Variants in ZNF385B observed in about 807,000 individuals in gnomAD.
ZNF385B encodes zinc finger protein 385B.
In ZNF385B, 23 loss-of-function variants were observed where a neutral mutation model predicts 39.2. That is an observed-to-expected ratio of 0.59 (90% CI 0.42 to 0.83). ZNF385B has a LOEUF of 0.83. ZNF385B is among the 40% of genes least tolerant of loss of function. ZNF385B has a pLI of 0.00. For synonymous variants in ZNF385B, 205 were observed against 222.6 expected (o/e 0.92, Z 0.70); for missense variants, 552 against 598.9 (o/e 0.92, Z 0.82).
intron 3 of ZNF385B, among the ~76,000 whole-genome samples, chr2:179,707,307 T>G (rs914991323): frequency 6.6e-6 from 1 of 152,088 alleles, no homozygotes; most frequent in African/African-American, 2.4e-5. Flanking sequence ...AGACTCAAGA[T>G]GAGTTAAAAT....
intron 3 of ZNF385B, among the ~76,000 whole-genome samples, chr2:179,634,112 G>C (rs1691497907): frequency 6.6e-6 from 1 of 152,092 alleles, no homozygotes; most frequent in African/African-American, 2.4e-5. Context: ...AAACCTAGAA[G>C]ATAACCTAGG....
intron 6 of ZNF385B, among the ~76,000 whole-genome samples, chr2:179,479,333 G>A (rs928020253): frequency 3.9e-5 from 6 of 151,988 alleles, no homozygotes; most frequent in South Asian, 2.1e-4. Context: ...ATGATATCCC[G>A]AAATTTTTAT....
intron 1 of ZNF385B, among the ~76,000 whole-genome samples, chr2:179,835,103 G>T (rs1708175990): frequency 6.6e-6 from 1 of 152,192 alleles, no homozygotes. Flanking sequence ...AGCATAGGCT[G>T]GATAGTAGAT....
chr2:179,562,695 T>C, intron 3 of ZNF385B: 2 of 672,626 alleles, frequency 3.0e-6, no homozygotes, highest in Non-Finnish European at 3.7e-6. Flanking sequence ...TTCTTTCATG[T>C]AATTTTTCTG....
chr2:179,821,062 T>A (rs1486758366), intron 1 of ZNF385B, among the ~76,000 whole-genome samples: 1 of 152,180 alleles, frequency 6.6e-6, no homozygotes, highest in African/African-American at 2.4e-5. Flanking sequence ...CAATGAATAC[T>A]TTTTTCTTTT....
At chr2:179,453,372 T>C (rs995894979) in intron 6 of ZNF385B, among the ~76,000 whole-genome samples, 1 of 152,084 alleles carries the variant, frequency 6.6e-6, no homozygotes, top group African/African-American at 2.4e-5. Context: ...ATTTATAAAA[T>C]TTAGTAGAAC....
At chr2:179,473,864 T>C (rs1376915759) in intron 6 of ZNF385B, among the ~76,000 whole-genome samples, 1 of 152,190 alleles carries the variant, frequency 6.6e-6, no homozygotes, top group Non-Finnish European at 1.5e-5. Flanking sequence ...AACTCATTCT[T>C]TTTTATGGCT....
In ZNF385B at chr2:179,734,121, T is replaced by C. The variant is rs1252947479; in HGVS notation, c.298+35382A>G. ...TTTTAAATTACTGCATAATATCACATGGCATGGATGAACCATAATTATTAT... is the reference window on the plus strand; with the variant it reads ...TTTTAAATTACTGCATAATATCACACGGCATGGATGAACCATAATTATTAT... On this transcript the variant is annotated intron_variant, in intron 3 of 9. Transcript: ENST00000410066. 4.6e-5 allele frequency among the ~76,000 whole-genome samples: 7 copies of C among 152,338 alleles called. No homozygotes were observed. The South Asian group carries it at 8.3e-4, about 18-fold the overall frequency.
chr2:179,528,230 AACTAC>A (rs879621405), intron 4 of ZNF385B, among the ~76,000 whole-genome samples: 1 of 152,208 alleles, frequency 6.6e-6, no homozygotes, highest in Non-Finnish European at 1.5e-5. Flanking sequence ...GGATTTTTTC[AACTAC>A]CAAGTAGCAA....
At chr2:179,482,372 C>A (rs2054092846) in intron 6 of ZNF385B, among the ~76,000 whole-genome samples, 1 of 152,222 alleles carries the variant, frequency 6.6e-6, no homozygotes, top group Admixed American at 6.5e-5. Context: ...GGGACATATT[C>A]TCTCAGTCTC....
At chr2:179,652,285 T>C (rs1233709443) in intron 3 of ZNF385B, among the ~76,000 whole-genome samples, 2 of 152,178 alleles carry the variant, frequency 1.3e-5, no homozygotes, top group Non-Finnish European at 1.5e-5. Context: ...GAATAAAAAG[T>C]ATACATCCAA....
rs141617772 is a variant in ZNF385B at position 179,833,661 on chromosome 2, A to C, written c.-155+27440T>G. Among the ~76,000 whole-genome samples, 61 of 152,318 alleles carry C rather than the reference A, an allele frequency of 4.0e-4. 1 individual carries two copies. The East Asian group carries it at 0.011, about 27-fold the overall frequency. On this transcript the variant is annotated intron_variant, in intron 1 of 9. Coordinates refer to ENST00000410066, the MANE Select transcript of ZNF385B (RefSeq NM_152520.6). ...TTTAAAACACCTGGTAGTACTGAAT[A>C]TGCCTTTTTATACATTTTTGACTTT...
intron 3 of ZNF385B, among the ~76,000 whole-genome samples, chr2:179,749,751 T>C (rs914977252): frequency 6.6e-6 from 1 of 152,156 alleles, no homozygotes; most frequent in African/African-American, 2.4e-5. Flanking sequence ...ATGCCTTTGA[T>C]GATTTAAATC....
At chr2:179,832,421 G>C (rs1409083492) in intron 1 of ZNF385B, among the ~76,000 whole-genome samples, 1 of 152,140 alleles carries the variant, frequency 6.6e-6, no homozygotes, top group Non-Finnish European at 1.5e-5. Flanking sequence ...GTCAGTATTT[G>C]CATGTAAAAA....
At chr2:179,449,458 C>T (rs889358356) in intron 6 of ZNF385B, among the ~76,000 whole-genome samples, 12 of 152,082 alleles carry the variant, frequency 7.9e-5, no homozygotes, top group African/African-American at 2.7e-4. Context: ...ACACCAATAA[C>T]AGACAAACAG....
chr2:179,781,328 AAC>A (rs1287289171), intron 1 of ZNF385B, among the ~76,000 whole-genome samples: 16 of 152,008 alleles, frequency 1.1e-4, no homozygotes, highest in Non-Finnish European at 1.8e-4. Context: ...GAAGAGTCCA[AAC>A]ACACACACAC....
intron 1 of ZNF385B, among the ~76,000 whole-genome samples, chr2:179,840,906 T>C (rs1388253875): frequency 6.6e-6 from 1 of 152,198 alleles, no homozygotes; most frequent in Non-Finnish European, 1.5e-5. Context: ...GATAAACAAA[T>C]TTAAATAGGT....
At chr2:179,742,401 A>G (rs1702138208) in intron 3 of ZNF385B, among the ~76,000 whole-genome samples, 1 of 152,094 alleles carries the variant, frequency 6.6e-6, no homozygotes, top group African/African-American at 2.4e-5. Flanking sequence ...ATGCAATACA[A>G]GACACTTAGT....
intron 3 of ZNF385B, among the ~76,000 whole-genome samples, chr2:179,654,989 G>T (rs1693588729): frequency 6.6e-6 from 1 of 152,106 alleles, no homozygotes; most frequent in Admixed American, 6.6e-5. Context: ...TATTCCAAAT[G>T]AGGCTCTTTG....
Sources: allele counts gnomAD v4.1 joint callset (sites outside exome capture counted in the v4.1 genomes callset), GRCh38; gene constraint gnomAD v4.1.1; transcripts MANE v1.5; gene names NCBI Gene and HGNC (gene_info 2026-07-23, HGNC 2026-07-21).